The following INPP5D variants were observed in gnomAD, a reference collection of about 807,000 sequenced individuals.
INPP5D encodes inositol polyphosphate-5-phosphatase D.
A neutral mutation model predicts 122.9 loss-of-function variants in INPP5D; 33 were observed. The ratio of observed to expected loss-of-function variants is 0.27; its 90% CI spans 0.20 to 0.36. INPP5D has a LOEUF of 0.36. Among genes scored for constraint, INPP5D ranks in the 10% least tolerant of loss-of-function variants. The pLI is 1.00. For synonymous variants in INPP5D, 584 were observed against 576.2 expected (o/e 1.01, Z -0.19); for missense variants, 1,053 against 1,412.7 (o/e 0.75, Z 4.08).
chr2:233,184,884 A>C (rs1278122935), intron 20 of INPP5D, among the ~76,000 whole-genome samples: 1 of 151,986 alleles, frequency 6.6e-6, no homozygotes, highest in Non-Finnish European at 1.5e-5. Context: ...CCAGACCTCA[A>C]AGAGCCGGTG....
chr2:233,093,798 T>C (rs748000001), intron 2 of INPP5D, among the ~76,000 whole-genome samples: 1 of 152,120 alleles, frequency 6.6e-6, no homozygotes, highest in Non-Finnish European at 1.5e-5. Flanking sequence ...TGCAAAAATT[T>C]GTCAATAATA....
chr2:233,075,532 TACAC>T (rs982787241), intron 1 of INPP5D, among the ~76,000 whole-genome samples: 3 of 151,972 alleles, frequency 2.0e-5, no homozygotes, highest in Non-Finnish European at 2.9e-5. Flanking sequence ...CATGTGTACA[TACAC>T]ACATGCATGC....
intron 9 of INPP5D, among the ~76,000 whole-genome samples, chr2:233,156,261 G>A (rs983061482): frequency 6.6e-6 from 1 of 152,160 alleles, no homozygotes; most frequent in Non-Finnish European, 1.5e-5. Context: ...AGGTGTGTGG[G>A]TCTGCTGAGC....
intron 10 of INPP5D, among the ~76,000 whole-genome samples, chr2:233,161,039 A>G (rs1424542993): frequency 6.6e-6 from 1 of 152,124 alleles, no homozygotes; most frequent in East Asian, 1.9e-4. Context: ...TTGGCAAGAT[A>G]GTTCTGGATC....
rs1694966729 is a variant in INPP5D at position 233,188,152 on chromosome 2, T to C, written c.2359-1698T>C. Among the ~76,000 whole-genome samples, 1 of 151,984 alleles carries C rather than the reference T, an allele frequency of 6.6e-6. No individual in the cohort carries two copies. The highest frequency in any genetic ancestry group is 2.4e-5 in the African/African-American group (1 of 41,380). On this transcript the variant is annotated intron_variant, in intron 21 of 26. Transcript: ENST00000445964. The surrounding 1 kb of genome is among the most constrained non-coding windows in gnomAD (Gnocchi z 4.7). ...TCCTGGAGTCCCCCTCTTTATCCGGTCGACTCCCTGTTGCCTAGTGAGGCA... is the reference window on the plus strand; with the variant it reads ...TCCTGGAGTCCCCCTCTTTATCCGGCCGACTCCCTGTTGCCTAGTGAGGCA...
In INPP5D at chr2:233,078,133, C is replaced by T. The variant is rs1691574917; in HGVS notation, c.135-1202C>T. 1.3e-5 allele frequency among the ~76,000 whole-genome samples: 2 copies of T among 152,182 alleles called. No homozygotes were observed. The highest frequency in any genetic ancestry group is 2.9e-5 in the Non-Finnish European group (2 of 68,034). ...GAGCCTAAGATCCAAATAGCTTTCCCTCGATCTCCTGACAGCCTTCTGGCC... is the reference window on the plus strand; with the variant it reads ...GAGCCTAAGATCCAAATAGCTTTCCTTCGATCTCCTGACAGCCTTCTGGCC... On this transcript the variant is annotated intron_variant, in intron 1 of 26. Transcript: ENST00000445964. This position sits in a 1 kb window ranked among gnomAD's most constrained non-coding sequence, Gnocchi z 4.6.
rs1694584537 is a variant in INPP5D, at chr2:233,175,087, GGGCGC to G, written c.1990-2177_1990-2173del. ...TACAAAATTAGCCGGGCATGCTGAT[GGGCGC>G]CTGTAATCCCAGCTACTCGGGAGGC... is the stretch of plus-strand genomic sequence containing the variant. On this transcript the variant is annotated intron_variant, in intron 17 of 26. Coordinates refer to ENST00000445964, the MANE Select transcript of INPP5D (RefSeq NM_001017915.3). 3.3e-5 allele frequency among the ~76,000 whole-genome samples: 5 copies of G among 151,778 alleles called. No individual in the cohort carries two copies. The South Asian group carries it at 1.0e-3, about 32-fold the overall frequency.
intron 2 of INPP5D, chr2:233,120,722 G>A (rs1036358434): frequency 1.8e-4 from 27 of 152,464 alleles, no homozygotes; most frequent in African/African-American, 6.0e-4. Context: ...GGTGAGGTAG[G>A]GGTGGGGCTG....
intron 22 of INPP5D, among the ~76,000 whole-genome samples, chr2:233,191,285 C>T (rs1291307629): frequency 6.6e-6 from 1 of 152,148 alleles, no homozygotes; most frequent in Non-Finnish European, 1.5e-5. Flanking sequence ...AACTCACTCA[C>T]CATCACCATC....
intron 2 of INPP5D, among the ~76,000 whole-genome samples, chr2:233,087,109 C>T (rs931267168): frequency 6.6e-6 from 1 of 151,716 alleles, no homozygotes; most frequent in East Asian, 1.9e-4. Context: ...CTTGACTTTG[C>T]CCTTCGAGAT....
rs557269591 is a variant in INPP5D, at chr2:233,108,919, AG to A, written c.199-13184del. Among the ~76,000 whole-genome samples the A allele has an allele frequency of 1.4e-3, 218 of 152,310 alleles. 1 individual carries two copies. Among genetic ancestry groups the A allele is most frequent in the African/African-American group, 5.0e-3 (208 of 41,586 alleles). On this transcript the variant is annotated intron_variant, in intron 2 of 26. Transcript: ENST00000445964. ...GTCTTGCAGCTTCTGCATGGCAGAG[AG>A]GGGACAACCCCCTGCCCAGTGCTAG...
At chr2:233,084,552 C>T (rs962834157) in intron 2 of INPP5D, among the ~76,000 whole-genome samples, 1 of 152,188 alleles carries the variant, frequency 6.6e-6, no homozygotes, top group African/African-American at 2.4e-5. Context: ...GGCGACATGG[C>T]TTTTGGAGAG....
At chr2:233,195,143 T>C (rs965983036) in intron 23 of INPP5D, among the ~76,000 whole-genome samples, 7 of 152,202 alleles carry the variant, frequency 4.6e-5, no homozygotes, top group African/African-American at 1.4e-4. Context: ...TGTTTCTTGC[T>C]GAGACCAGTA....
At chr2:233,123,698 C>G (rs1383788690) in intron 3 of INPP5D, among the ~76,000 whole-genome samples, 1 of 152,114 alleles carries the variant, frequency 6.6e-6, no homozygotes, top group African/African-American at 2.4e-5. Context: ...TTTGCAATAG[C>G]AAAGACATGG....
At chr2:233,165,336 C>T (rs2106296956) in intron 13 of INPP5D, among the ~76,000 whole-genome samples, 1 of 151,186 alleles carries the variant, frequency 6.6e-6, no homozygotes, top group East Asian at 2.0e-4. Flanking sequence ...AGTGTACCAC[C>T]CATATCTATG....
intron 25 of INPP5D, 88 bp from the exon 26 acceptor site, chr2:233,204,038 C>T (rs1213915914): frequency 7.0e-7 from 1 of 1,431,640 alleles, no homozygotes. Flanking sequence ...TGTATCACCC[C>T]AAAGAAAGAC....
chr2:233,203,158 T>C (rs1695383624), intron 25 of INPP5D, among the ~76,000 whole-genome samples: 1 of 152,194 alleles, frequency 6.6e-6, no homozygotes. Context: ...CTCTTGAGCT[T>C]TCACCCTCAA....
chr2:233,184,647 A>C (rs1694862563), intron 20 of INPP5D, 126 bp downstream of exon 20: 3 of 1,362,208 alleles, frequency 2.2e-6, no homozygotes, highest in African/African-American at 1.4e-5. Context: ...TGATCAGAGA[A>C]GTGGGGCTGC....
intron 2 of INPP5D, among the ~76,000 whole-genome samples, chr2:233,117,297 C>G (rs10933432): frequency 0.92 from 140,276 of 152,168 alleles, 64,909 homozygotes; most frequent in Middle Eastern, 0.97. Flanking sequence ...GACGCTTCAT[C>G]GGGGGACGCA....
Sources: gnomAD v4.1 joint callset for allele counts (sites outside exome capture counted in the v4.1 genomes callset) on GRCh38, gnomAD v4.1.1 for gene constraint, Gnocchi (gnomAD v3.1) non-coding constraint, MANE v1.5 for transcripts, NCBI Gene and HGNC (gene_info 2026-07-23, HGNC 2026-07-21) for gene names.